HDAC9: variants seen among roughly 807,000 people sequenced by gnomAD.
The protein encoded by HDAC9 is MEF-2 interacting transcription repressor (MITR) protein.
A neutral mutation model predicts 139.4 loss-of-function variants in HDAC9; 41 were observed. The observed-to-expected ratio is 0.29, with a 90% CI of 0.23 to 0.38. The LOEUF is 0.38. Among genes scored for constraint, HDAC9 ranks in the 10% least tolerant of loss-of-function variants. The pLI is 1.00. For missense variants in HDAC9, 1,147 were observed against 1,297.0 expected, an observed-to-expected ratio of 0.88 and a Z score of 1.78; for synonymous variants, 517 against 476.2, an observed-to-expected ratio of 1.09 and a Z score of -1.12.
chr7:18,263,228 T>A (rs1172452127), intron 2 of HDAC9, among the ~76,000 whole-genome samples: 1 of 152,202 alleles, frequency 6.6e-6, no homozygotes, highest in African/African-American at 2.4e-5. Flanking sequence ...TATCAGTATG[T>A]TGTGTGTCAG....
chr7:18,814,427 G>A (rs2520354), intron 17 of HDAC9, among the ~76,000 whole-genome samples: 70,773 of 151,920 alleles, frequency 0.47, 19,887 homozygotes, highest in African/African-American at 0.8. Context: ...TGTATATTGC[G>A]GATGTTCCTT....
chr7:18,837,391 T>C (rs978740171), intron 21 of HDAC9, among the ~76,000 whole-genome samples: 1 of 152,008 alleles, frequency 6.6e-6, no homozygotes, highest in Non-Finnish European at 1.5e-5. Context: ...ACAAATACCA[T>C]TACATTTGCA....
intron 2 of HDAC9, among the ~76,000 whole-genome samples, chr7:18,205,331 A>G (rs1318659964): frequency 6.6e-6 from 1 of 152,022 alleles, no homozygotes; most frequent in Non-Finnish European, 1.5e-5. Flanking sequence ...TTAATGCTTG[A>G]TAATATGCTT....
chr7:18,306,585 C>T (rs2128619746), intron 1 of HDAC9, among the ~76,000 whole-genome samples: 1 of 152,276 alleles, frequency 6.6e-6, no homozygotes, highest in East Asian at 1.9e-4. Flanking sequence ...GCCTTCTACA[C>T]ATACTTTTGG....
rs992730231 is a variant in HDAC9, at chr7:18,115,161, C to T, written c.-97+27948C>T. Among the ~76,000 whole-genome samples the T allele has an allele frequency of 3.9e-5, 6 of 152,064 alleles. No individual in the cohort carries two copies. The South Asian group carries it at 6.2e-4, about 16-fold the overall frequency. On this transcript the variant is annotated intron_variant, in intron 1 of 12. Coordinates refer to the HDAC9 transcript ENST00000417496. Reference sequence around the variant, plus strand: ...AAAAAAAATTAGCTGGGCTTGGTGGCGGGCGCCTGTAGTCCCAGCTACTTG... The same window carrying T: ...AAAAAAAATTAGCTGGGCTTGGTGGTGGGCGCCTGTAGTCCCAGCTACTTG...
chr7:18,164,365 T>A (rs988960313), intron 2 of HDAC9, among the ~76,000 whole-genome samples: 3 of 152,350 alleles, frequency 2.0e-5, no homozygotes, highest in Admixed American at 2.0e-4. Flanking sequence ...TTCTGAGAAA[T>A]AACCTGATTG....
At position 18,664,801 on chromosome 7, in the gene HDAC9, T is replaced by C. The variant is rs182854709; in HGVS notation, c.1468-1412T>C. Among the ~76,000 whole-genome samples, 546 of 152,278 alleles carry C rather than the reference T, an allele frequency of 3.6e-3. 5 individuals are homozygous for C. The highest frequency in any genetic ancestry group is 0.012 in the African/African-American group (513 of 41,568). On this transcript the variant is annotated intron_variant, in intron 11 of 25. Coordinates refer to ENST00000686413, the MANE Select transcript of HDAC9 (RefSeq NM_178425.4). ...ACCTTGTGTTTCTTTCTTCAAAGCA[T>C]TTTGTCATACTTGAAAATAGGAATA...
chr7:18,946,036 C>CAAAAAAAAAAAAAAAAAAAAAA (rs1171055959), intron 23 of HDAC9, among the ~76,000 whole-genome samples: 7 of 38,260 alleles, frequency 1.8e-4, no homozygotes, highest in African/African-American at 3.7e-4. Context: ...GACTCCGTCT[C>CAAAAAAAAAAAAAAAAAAAAAA]AAAAAAAAAA....
At chr7:18,530,134 T>A (rs1352920093) in intron 2 of HDAC9, among the ~76,000 whole-genome samples, 6 of 150,688 alleles carry the variant, frequency 4.0e-5, no homozygotes, top group Non-Finnish European at 7.4e-5. Context: ...GAAATAAAAA[T>A]AAAAAAAATA....
At chr7:18,258,039 A>G (rs1324330438) in intron 2 of HDAC9, among the ~76,000 whole-genome samples, 1 of 152,238 alleles carries the variant, frequency 6.6e-6, no homozygotes, top group African/African-American at 2.4e-5. Context: ...CACATATTAA[A>G]GTATCTAAGT....
rs199774001 is a variant in HDAC9, at chr7:18,599,157, A to G, written c.664+5128A>G. Among the ~76,000 whole-genome samples the G allele has an allele frequency of 1.8e-4, 27 of 152,330 alleles. No individual in the cohort carries two copies. In the East Asian group the frequency reaches 5.2e-3, roughly 29 times the overall value. On this transcript the variant is annotated intron_variant, in intron 6 of 25. Transcript: ENST00000686413. ...TTTAAAGTAGCAGACTTTAATTTTA[A>G]GAAAAGTTTTATATTTACAGAAAAA...
chr7:18,333,064 T>G (rs185897481), intron 1 of HDAC9, among the ~76,000 whole-genome samples: 31 of 151,712 alleles, frequency 2.0e-4, no homozygotes, highest in Non-Finnish European at 4.1e-4. Context: ...AGATACTCTT[T>G]ATACTGTATT....
intron 8 of HDAC9, among the ~76,000 whole-genome samples, chr7:18,638,674 G>C (rs1784632303): frequency 6.6e-6 from 1 of 152,068 alleles, no homozygotes; most frequent in Admixed American, 6.6e-5. Flanking sequence ...TATCAGCGCT[G>C]ACTCCTGGTA....
chr7:18,977,615 C>T (rs141499334), intron 25 of HDAC9, among the ~76,000 whole-genome samples: 13 of 152,180 alleles, frequency 8.5e-5, no homozygotes, highest in African/African-American at 2.9e-4. Context: ...ACCTTGGCTT[C>T]AGTCCACAGT....
chr7:18,488,707 G>A (rs1451355608), intron 1 of HDAC9, among the ~76,000 whole-genome samples: 1 of 151,960 alleles, frequency 6.6e-6, no homozygotes, highest in African/African-American at 2.4e-5. Flanking sequence ...GTAAAGCAGA[G>A]TTACAAACAC....
At chr7:18,176,978 C>T (rs1179944349) in intron 2 of HDAC9, among the ~76,000 whole-genome samples, 1 of 152,064 alleles carries the variant, frequency 6.6e-6, no homozygotes, top group Non-Finnish European at 1.5e-5. Context: ...TAATACATAC[C>T]ATAACTTGAG....
intron 1 of HDAC9, among the ~76,000 whole-genome samples, chr7:18,390,049 C>CACACACAG (rs1786321970): frequency 1.2e-5 from 1 of 82,588 alleles, no homozygotes; most frequent in Non-Finnish European, 2.2e-5. Flanking sequence ...AGAAAGACAA[C>CACACACAG]ACACACACAC....
intron 2 of HDAC9, among the ~76,000 whole-genome samples, chr7:18,230,305 G>T (rs1225814237): frequency 6.6e-6 from 1 of 152,162 alleles, no homozygotes; most frequent in African/African-American, 2.4e-5. Flanking sequence ...ACTGTTAATA[G>T]TTTCAAGTCA....
rs190148469 is a variant in HDAC9, at chr7:18,406,578, A to G, written c.-41-89684A>G. ...CCGGCTAATTTTTTGTATTTTTAGT[A>G]GAGACGGGGTTTCACCGTGTTAGGA... On this transcript the variant is annotated intron_variant, in intron 1 of 3. Coordinates refer to the HDAC9 transcript ENST00000413509. Among the ~76,000 whole-genome samples the G allele has an allele frequency of 1.4e-3, 212 of 152,070 alleles. 6 individuals carry two copies. In the East Asian group the frequency reaches 0.04, roughly 28 times the overall value.
Sources: gnomAD v4.1 joint callset for allele counts (sites outside exome capture counted in the v4.1 genomes callset) on GRCh38, gnomAD v4.1.1 for gene constraint, MANE v1.5 for transcripts, NCBI Gene and HGNC (gene_info 2026-07-23, HGNC 2026-07-21) for gene names.